Variants in GPR108 observed in about 807,000 individuals in gnomAD.
GPR108 encodes the protein protein GPR108.
In GPR108, 60 loss-of-function variants were observed where a neutral mutation model predicts 74.3. That is an observed-to-expected ratio of 0.81 (90% CI 0.66 to 1.00). The LOEUF is 1.00. GPR108 is among the 50% of genes least tolerant of loss of function. The probability of loss-of-function intolerance (pLI) is 0.00; values close to 1 mark genes in which losing one functional copy is unlikely to be tolerated. For missense variants in GPR108, 667 were observed against 703.3 expected (o/e 0.95, Z 0.58); for synonymous variants, 311 against 292.4 (o/e 1.06, Z -0.65).
At chr19:6,731,143 C>G (rs173173) in intron 16 of GPR108, 32 bp from the exon 17 acceptor site, 2 of 1,610,740 alleles carry the variant, frequency 1.2e-6, no homozygotes, top group Non-Finnish European at 8.5e-7. Context: ...GGGCGTCAGG[C>G]GCACCCCCAC....
intron 10 of GPR108, 82 bp from the exon 11 acceptor site, chr19:6,732,631 G>A (rs1280298687): frequency 7.5e-6 from 8 of 1,062,370 alleles, no homozygotes; most frequent in Non-Finnish European, 1.1e-5. Context: ...TAGGAACACG[G>A]ACCGTCACCA....
chr19:6,732,006 C>CT lies in GPR108; in HGVS notation c.1256+18_1256+19insA. 6.2e-7 allele frequency: 1 copy of CT among 1,613,690 alleles called. No individual in the cohort carries two copies. Among genetic ancestry groups the CT allele is most frequent in the South Asian group, 1.1e-5 (1 of 91,072 alleles). On this transcript the variant is annotated intron_variant, in intron 13 of 17. Transcript: ENST00000264080. ...CATGTGCACAGGGCAGAGCCTCAGCCCGGGGGCAGGGTCCTCACCAGACTA... is the reference window on the plus strand; with the variant it reads ...CATGTGCACAGGGCAGAGCCTCAGCCTCGGGGGCAGGGTCCTCACCAGACTA...
chr19:6,736,510 C>A, intron 2 of GPR108, 82 bp downstream of exon 2: 1 of 1,398,582 alleles, frequency 7.2e-7, no homozygotes, highest in South Asian at 1.2e-5. Flanking sequence ...TACAAGATCA[C>A]ATGGGTAGCG....
chr19:6,732,937 G>T lies in GPR108; in HGVS notation c.933+50C>A, dbSNP rs370593859. The T allele has an allele frequency of 2.6e-5, 39 of 1,495,022 alleles. No individual in the cohort carries two copies. In the East Asian group the frequency reaches 7.4e-4, roughly 28 times the overall value. The allele number at this position is 1,495,022 out of a possible 1,614,324, so 92.6% of individuals were successfully genotyped here. The stretch of plus-strand genomic sequence containing the variant: ...CTGCAGAGATTTGGGGGATGGCCCG[G>T]GTGGGCCTTTCAGCCCACCCCCCGC... On this transcript the variant is annotated intron_variant, in intron 10 of 17. Coordinates refer to ENST00000264080, the MANE Select transcript of GPR108 (RefSeq NM_001080452.2).
chr19:6,732,291 T>A lies in GPR108; in HGVS notation c.1097A>T (p.Lys366Met). 1 of 1,612,900 alleles carries A rather than the reference T, an allele frequency of 6.2e-7. No individual in the cohort carries two copies. The highest frequency in any genetic ancestry group is 8.5e-7 in the Non-Finnish European group (1 of 1,180,022). ...CATGGGGATCACGATCCCAAAGACC[T>A]TCTTCTCCTTATCCGACAGGACGTA... Reference protein sequence around the residue: ...IKYVLSDKEKKVFGIVIPMQV... With the variant: ...IKYVLSDKEKMVFGIVIPMQV... The change falls in exon 12 of 18, where the codon AAG becomes ATG. Residue 366 changes from lysine to methionine, a missense_variant. Transcript: ENST00000264080.
intron 14 of GPR108, 91 bp downstream of exon 14, chr19:6,731,800 A>G: frequency 6.9e-7 from 1 of 1,444,108 alleles, no homozygotes. Flanking sequence ...GGCTGGGCAG[A>G]GAGGCCAGGA....
chr19:6,736,046 C>T (rs748019613), intron 2 of GPR108, 88 bp from the exon 3 acceptor site: 1 of 1,176,274 alleles, frequency 8.5e-7, no homozygotes, highest in Non-Finnish European at 1.2e-6. Context: ...AACCTAACCT[C>T]ACATTTACTG....
rs962790888 is a variant in GPR108 at position 6,734,045 on chromosome 19, G to A, written c.509C>T (p.Ser170Phe). ...VPRKVDGGGT[S>F]AASKPKSTPA... ...TGTTGACTTGGGCTTGCTGGCTGCAGAGGTCCCTCCTGTAAGAGACCGGGC... is the reference window on the plus strand; with the variant it reads ...TGTTGACTTGGGCTTGCTGGCTGCAAAGGTCCCTCCTGTAAGAGACCGGGC... Residue 170 changes from serine (S) to phenylalanine (F), a missense_variant, in exon 6 of 18, where the codon TCT (serine) becomes TTT (phenylalanine). Coordinates refer to ENST00000264080, the MANE Select transcript of GPR108 (RefSeq NM_001080452.2). 6.2e-7 allele frequency: 1 copy of A among 1,614,208 alleles called. No individual in the cohort carries two copies. The highest frequency in any genetic ancestry group is 1.7e-5 in the Admixed American group (1 of 60,032).
chr19:6,734,178 C>G lies in GPR108; in HGVS notation c.499+5G>C. ...ACCCCCGTCTGCACAGCCAGCCTGA[C>G]TCACCGCCATCCACCTTGCGGGGGA... On this transcript the variant is annotated splice_donor_5th_base_variant and intron_variant, in intron 5 of 17. Transcript: ENST00000264080. The G allele has an allele frequency of 6.2e-7, 1 of 1,614,210 alleles. No homozygotes were observed. The highest frequency in any genetic ancestry group is 8.5e-7 in the Non-Finnish European group (1 of 1,180,030).
rs369597037 is a variant in GPR108, at chr19:6,733,649, G to T, written c.644C>A (p.Ala215Glu). The change falls in exon 8 of 18, where the codon GCG becomes GAG. Residue 215 changes from alanine (A) to glutamate (E), a missense_variant. By Grantham distance (107) the Ala-to-Glu change is moderately radical (BLOSUM62 -1). Transcript: ENST00000264080. ...GTTCAGGCTGTACTGGCCTTCTTCCGCCTGAGAGCCGATCACCACGTGGAA... is the reference window on the plus strand; with the variant it reads ...GTTCAGGCTGTACTGGCCTTCTTCCTCCTGAGAGCCGATCACCACGTGGAA... ...FSFHVVIGSQ[A>E]EEGQYSLNFH... 5.6e-6 allele frequency: 9 copies of T among 1,613,978 alleles called. No homozygotes were observed. The Admixed American group carries it at 6.7e-5, about 12-fold the overall frequency.
intron 14 of GPR108, 40 bp from the exon 15 acceptor site, chr19:6,731,562 G>A: frequency 9.1e-7 from 1 of 1,097,974 alleles, no homozygotes; most frequent in South Asian, 1.6e-5. Flanking sequence ...GGGAGACTGA[G>A]GGTGGGAGGG....
Position 6,730,386 on chromosome 19 carries a change from T to A in GPR108, c.1560-2A>T. ...TCCCGGAACCCAGAGTCCGTCATTC[T>A]GGGGGCAGACAGCGAGGAGGCGTCT... On this transcript the variant is annotated splice_acceptor_variant, in intron 17 of 17. Coordinates refer to ENST00000264080, the MANE Select transcript of GPR108 (RefSeq NM_001080452.2). LOFTEE classifies it high-confidence loss of function. 6.2e-7 allele frequency: 1 copy of A among 1,612,788 alleles called. No individual in the cohort carries two copies. Among genetic ancestry groups the A allele is most frequent in the Non-Finnish European group, 8.5e-7 (1 of 1,179,744 alleles).
chr19:6,731,961 C>A (rs751181869), intron 13 of GPR108, 27 bp from the exon 14 acceptor site: 1 of 1,613,130 alleles, frequency 6.2e-7, no homozygotes, highest in South Asian at 1.1e-5. Context: ...ACACAGGGTA[C>A]GGTCAGCGCG....
At position 6,733,000 on chromosome 19, in the gene GPR108, A is replaced by C; in HGVS notation, c.920T>G (p.Leu307Arg). 6.2e-7 allele frequency: 1 copy of C among 1,602,870 alleles called. No homozygotes were observed. Among genetic ancestry groups the C allele is most frequent in the Non-Finnish European group, 8.5e-7 (1 of 1,174,988 alleles). Residue 307 changes from leucine to arginine, a missense_variant, in exon 10 of 18, where the codon CTC becomes CGC. By Grantham distance (102) the Leu-to-Arg change is moderately radical (BLOSUM62 -2). Transcript: ENST00000264080. ...AALAFTKSIS[L>R]LFHSINYYFI... is the part of the protein sequence containing the mutation. ...CAAGGCTCTCACGCTGTGGAAGAGGAGAGAGATGCTCTTGGTGAAGGCCAA... is the reference window on the plus strand; with the variant it reads ...CAAGGCTCTCACGCTGTGGAAGAGGCGAGAGATGCTCTTGGTGAAGGCCAA...
intron 1 of GPR108, 159 bp downstream of exon 1, chr19:6,737,298 A>C (rs1409009718): frequency 1.6e-5 from 15 of 914,636 alleles, no homozygotes; most frequent in East Asian, 9.7e-5. Flanking sequence ...ACCGAAGGGG[A>C]TCCCGGGACG....
Position 6,731,035 on chromosome 19 carries a change from T to TA in GPR108, c.1510dup (p.Tyr504LeufsTer147). 1 of 1,613,378 alleles carries TA rather than the reference T, an allele frequency of 6.2e-7. No homozygotes were observed. The highest frequency in any genetic ancestry group is 8.5e-7 in the Non-Finnish European group (1 of 1,179,820). On this transcript the variant is annotated frameshift_variant, in exon 17 of 18. Coordinates refer to ENST00000264080, the MANE Select transcript of GPR108 (RefSeq NM_001080452.2). LOFTEE classifies it high-confidence loss of function. ...CTCGTCCTCCTGGGGCAGCTGCAGG[T>TA]ACGGGTTGTTTCCTGTGGGCTGGAA...
Position 6,730,325 on chromosome 19 carries a change from C to G in GPR108, c.1619G>C (p.Arg540Pro), listed in dbSNP as rs747683043. 11 of 1,613,790 alleles carry G rather than the reference C, an allele frequency of 6.8e-6. No homozygotes were observed. The highest frequency in any genetic ancestry group is 6.8e-6 in the Non-Finnish European group (8 of 1,179,812). The change falls in exon 18 of 18, where the codon CGG (arginine) becomes CCG (proline). Residue 540 changes from arginine (R) to proline (P), a missense_variant. Transcript: ENST00000264080. ...ATGTGGAGGTGATCATAACAGTTCC[C>G]GCCCGCTGGCTGTTTTGTTGACTTT... ...LSKVNKTASG[R>P]ELL
At position 6,737,446 on chromosome 19, in the gene GPR108, G is replaced by A; in HGVS notation, c.120+11C>T. The A allele has an allele frequency of 6.3e-7, 1 of 1,586,274 alleles. No homozygotes were observed. Among genetic ancestry groups the A allele is most frequent in the African/African-American group, 1.4e-5 (1 of 73,136 alleles). ...GCCACCGACCCCAGACCCTCGCGCGGCGGGCCTCACCGTCAGCGCCAGCTG... is the reference window on the plus strand; with the variant it reads ...GCCACCGACCCCAGACCCTCGCGCGACGGGCCTCACCGTCAGCGCCAGCTG... On this transcript the variant is annotated intron_variant, in intron 1 of 17. Coordinates refer to ENST00000264080, the MANE Select transcript of GPR108 (RefSeq NM_001080452.2).
At chr19:6,732,414 G>C in intron 11 of GPR108, 34 bp from the exon 12 acceptor site, 1 of 1,610,000 alleles carries the variant, frequency 6.2e-7, no homozygotes, top group Non-Finnish European at 8.5e-7. Flanking sequence ...ATGATGAGGT[G>C]GGGGGCCAAC....
Sources: gnomAD v4.1 joint callset for allele counts on GRCh38, gnomAD v4.1.1 for gene constraint, MANE v1.5 for transcripts, NCBI Gene and HGNC (gene_info 2026-07-23, HGNC 2026-07-21) for gene names.